Variants in SHOX observed in about 807,000 individuals in gnomAD.
The protein encoded by SHOX is short stature homeobox protein.
SHOX carries 12 observed loss-of-function variants against 29.6 expected under a neutral mutation model. The ratio of observed to expected loss-of-function variants is 0.41; its 90% CI spans 0.26 to 0.66. The LOEUF (loss-of-function observed/expected upper bound fraction) is 0.66. SHOX is among the 30% of genes least tolerant of loss of function. The probability of loss-of-function intolerance (pLI) is 0.35; values close to 1 mark genes in which losing one functional copy is unlikely to be tolerated. For synonymous variants in SHOX, 214 were observed against 200.6 expected (o/e 1.07, Z -0.57); for missense variants, 499 against 437.7 (o/e 1.14, Z -1.25).
chrX:630,979 G>C lies in SHOX; in HGVS notation c.82G>C (p.Gly28Arg), dbSNP rs1170526645. The C allele has an allele frequency of 1.2e-6, 2 of 1,613,866 alleles. No individual in the cohort carries two copies. The highest frequency in any genetic ancestry group is 8.5e-7 in the Non-Finnish European group (1 of 1,179,838). Residue 28 changes from glycine (G) to arginine (R), a missense_variant, in exon 1 of 5, where the codon GGT (glycine) becomes CGT (arginine). Coordinates refer to ENST00000686671, the MANE Select transcript of SHOX (RefSeq NM_000451.4). ...TAACGGCGGAGGCGGAGGCGGCGGA[G>C]GTAAGAAGGATTCCATTACGTACCG... Reference protein sequence around the residue: ...DGNGGGGGGGGKKDSITYREV... With the variant: ...DGNGGGGGGGRKKDSITYREV...
intron 1 of SHOX, among the ~76,000 whole-genome samples, chrX:632,420 G>C (rs889704515): frequency 1.3e-5 from 2 of 152,234 alleles, no homozygotes; most frequent in Non-Finnish European, 2.9e-5. Flanking sequence ...CACAGCTGGA[G>C]ACGGCTATGG....
At chrX:631,320 T>A in intron 1 of SHOX, 146 bp downstream of exon 1, 2 of 1,087,316 alleles carry the variant, frequency 1.8e-6, no homozygotes, top group Non-Finnish European at 2.7e-6. Context: ...AGGCTTTGCC[T>A]AAGAAAGGAA....
chrX:655,557 ACTCTCTCTCTGTCTCTCTCTCTCTCT>A (rs2053126067), downstream of SHOX, among the ~76,000 whole-genome samples: 2 of 107,994 alleles, frequency 1.9e-5, 1 homozygote, highest in South Asian at 6.6e-4. Flanking sequence ...AGCAAAAAGG[ACTCTCTCTCTGTCTCTCTCTCTCTCT>A]CTCTCTCTCT....
intron 4 of SHOX, 108 bp downstream of exon 4, chrX:641,195 C>A: frequency 2.8e-6 from 3 of 1,059,286 alleles, no homozygotes; most frequent in Non-Finnish European, 4.4e-6. Flanking sequence ...CCTGCCCCTG[C>A]AGACTTCTCA....
At chrX:627,910 T>C (rs2052567240), upstream of SHOX, among the ~76,000 whole-genome samples, 1 of 151,884 alleles carries the variant, frequency 6.6e-6, no homozygotes, top group African/African-American at 2.4e-5. Context: ...CTGTGAGAGG[T>C]TTACGGCGCA....
rs1286979753 is a variant in SHOX, at chrX:650,942, C to A, written c.*6306C>A. ...TGAAATTTGATATTTAATGAGAAGC[C>A]GGTTAAGGAATGTAGACAATATCCC... On this transcript the variant is annotated 3_prime_UTR_variant, in exon 5 of 5. Transcript: ENST00000686671. Among the ~76,000 whole-genome samples the A allele has an allele frequency of 6.6e-6, 1 of 151,748 alleles. No homozygotes were observed. Among genetic ancestry groups the A allele is most frequent in the African/African-American group, 2.4e-5 (1 of 41,278 alleles).
intron 4 of SHOX, among the ~76,000 whole-genome samples, chrX:641,487 G>A (rs1159900597): frequency 1.3e-5 from 2 of 152,054 alleles, no homozygotes; most frequent in South Asian, 2.1e-4. Flanking sequence ...TCAGGAATTC[G>A]AGACCAGCCT....
At position 646,924 on chromosome X, in the gene SHOX, T is replaced by G. The variant is rs2052976064; in HGVS notation, c.*2288T>G. The G allele has an allele frequency of 6.7e-6, 1 of 150,146 alleles. No individual in the cohort carries two copies. The highest frequency in any genetic ancestry group is 1.5e-5 in the Non-Finnish European group (1 of 67,812). The allele number at this position is 150,146 out of a possible 1,614,324, so 9.3% of individuals were successfully genotyped here. On this transcript the variant is annotated 3_prime_UTR_variant, in exon 5 of 5. Transcript: ENST00000686671. ...GTATGTAACCCTTTGGAAAAGTGGT[T>G]GGTAAGATATGTACAGCCCTAGATT...
chrX:631,833 G>C (rs2052656223), intron 1 of SHOX: 2 of 447,752 alleles, frequency 4.5e-6, no homozygotes, highest in East Asian at 7.1e-5. Context: ...CGCCCGGCCT[G>C]GGTCCTGACG....
At chrX:639,441 T>G (rs1462691200) in intron 2 of SHOX, among the ~76,000 whole-genome samples, 1 of 152,134 alleles carries the variant, frequency 6.6e-6, no homozygotes, top group Non-Finnish European at 1.5e-5. Context: ...TTTTCTGGGC[T>G]TGGTGTGTCA....
downstream of SHOX, among the ~76,000 whole-genome samples, chrX:656,353 C>T (rs140823302): frequency 0.011 from 1,419 of 134,804 alleles, 93 homozygotes; most frequent in South Asian, 0.027. Context: ...GAGGCAGAAT[C>T]GTTTGAGCCC....
At chrX:641,149 C>G in intron 4 of SHOX, 62 bp downstream of exon 4, 5 of 1,488,990 alleles carry the variant, frequency 3.4e-6, no homozygotes, top group Middle Eastern at 1.9e-4. Flanking sequence ...CCCCTTTCCC[C>G]TATTTGCTGC....
rs2053051877 is a variant in SHOX at position 651,026 on chromosome X, C to G, written c.*6390C>G. 6.6e-6 allele frequency among the ~76,000 whole-genome samples: 1 copy of G among 152,022 alleles called. No individual in the cohort carries two copies. The highest frequency in any genetic ancestry group is 2.1e-4 in the South Asian group (1 of 4,828). On this transcript the variant is annotated 3_prime_UTR_variant, in exon 5 of 5. Transcript: ENST00000686671. ...AGGGGATGTGGCTTCACGAGTTCAGCCCATTGTACGTGCAGGTCCCGTGGG... is the reference window on the plus strand; with the variant it reads ...AGGGGATGTGGCTTCACGAGTTCAGGCCATTGTACGTGCAGGTCCCGTGGG...
exon 1 of SHOX, chrX:624,477 G>C (rs1419294511): frequency 6.6e-6 from 1 of 151,896 alleles, no homozygotes; most frequent in East Asian, 1.9e-4. Flanking sequence ...GGGTAGGAGC[G>C]GATCAGACGC....
chrX:631,224 G>T (rs748262997), intron 1 of SHOX, 50 bp downstream of exon 1: 919 of 1,594,488 alleles, frequency 5.8e-4, no homozygotes, highest in Middle Eastern at 5.4e-3. Context: ...GGGGTTCGGC[G>T]CCTCCTCGCC....
At chrX:653,666 A>G (rs2053099304), downstream of SHOX, among the ~76,000 whole-genome samples, 1 of 152,154 alleles carries the variant, frequency 6.6e-6, no homozygotes, top group Non-Finnish European at 1.5e-5. Context: ...CGGTTTCAAT[A>G]GGAATGAGAT....
At chrX:625,838 TTTTCTC>T (rs1311815007), upstream of SHOX, among the ~76,000 whole-genome samples, 1 of 144,892 alleles carries the variant, frequency 6.9e-6, no homozygotes, top group East Asian at 2.1e-4. Context: ...TCTCCTCTCT[TTTTCTC>T]TGTCTCTGTA....
chrX:635,251 G>C (rs1304038941), intron 2 of SHOX, among the ~76,000 whole-genome samples: 1 of 152,010 alleles, frequency 6.6e-6, no homozygotes, highest in Admixed American at 6.6e-5. Context: ...TTATACTTAG[G>C]AGACGAAGCT....
At chrX:658,600 A>C (rs182516054) in intron 5 of SHOX, among the ~76,000 whole-genome samples, 35 of 150,296 alleles carry the variant, frequency 2.3e-4, no homozygotes, top group Admixed American at 8.0e-4. Flanking sequence ...CCTCCCCAGT[A>C]GCTGGGACTA....
Sources: gnomAD v4.1 joint callset for allele counts (sites outside exome capture counted in the v4.1 genomes callset) on GRCh38, gnomAD v4.1.1 for gene constraint, MANE v1.5 for transcripts, NCBI Gene and HGNC (gene_info 2026-07-23, HGNC 2026-07-21) for gene names.